ESR2: variants seen among roughly 807,000 people sequenced by gnomAD.
ESR2 encodes estrogen receptor beta.
A neutral mutation model predicts 49.6 loss-of-function variants in ESR2; 36 were observed. The observed-to-expected ratio is 0.73, with a 90% CI of 0.56 to 0.96. The LOEUF is 0.96. Among genes scored for constraint, ESR2 ranks in the 40% least tolerant of loss-of-function variants. ESR2 has a pLI of 0.00. For missense variants in ESR2, 714 were observed against 693.0 expected (o/e 1.03, Z -0.34); for synonymous variants, 320 against 266.1 (o/e 1.20, Z -1.97).
At chr14:64,226,868 T>TTTAA (rs1295328534), downstream of ESR2, 1 of 152,146 alleles carries the variant, frequency 6.6e-6, no homozygotes, top group African/African-American at 2.4e-5. Flanking sequence ...TTATTATATT[T>TTTAA]TTAATAGAGA....
chr14:64,264,373 G>C (rs2076280785), intron 4 of ESR2, among the ~76,000 whole-genome samples: 1 of 152,044 alleles, frequency 6.6e-6, no homozygotes, highest in South Asian at 2.1e-4. Context: ...AGAATTAAAG[G>C]CCTAAAATAC....
chr14:64,238,569 G>A (rs2075655431), intron 7 of ESR2, among the ~76,000 whole-genome samples: 1 of 152,022 alleles, frequency 6.6e-6, no homozygotes. Context: ...TATCTACAGA[G>A]TACTTGCTAA....
chr14:64,305,876 C>A (rs1056661258), intron 1 of ESR2, among the ~76,000 whole-genome samples: 13 of 151,862 alleles, frequency 8.6e-5, no homozygotes, highest in Non-Finnish European at 1.6e-4. Context: ...ATTGTAGTAC[C>A]GTGCTAACTC....
chr14:64,292,786 A>G (rs779967246), intron 1 of ESR2, among the ~76,000 whole-genome samples: 22 of 152,206 alleles, frequency 1.4e-4, no homozygotes, highest in Non-Finnish European at 2.9e-4. Context: ...TGTTAATTAT[A>G]TGGTTATGAG....
chr14:64,251,319 A>AC (rs1567744047), intron 6 of ESR2, among the ~76,000 whole-genome samples: 2 of 151,832 alleles, frequency 1.3e-5, no homozygotes, highest in African/African-American at 4.8e-5. Context: ...AAAAAAAAAA[A>AC]AAACAAAAAA....
In ESR2 at chr14:64,241,917, C is replaced by G. The variant is rs146272898; in HGVS notation, c.1226-6767G>C. ...TCTTGCCTTAATGCACTGGGTAGAA[C>G]TTACAGTAAAATGTTGAATAGAATT... is the stretch of plus-strand genomic sequence containing the variant. On this transcript the variant is annotated intron_variant, in intron 7 of 8. Coordinates refer to ENST00000341099, the MANE Select transcript of ESR2 (RefSeq NM_001437.3). Among the ~76,000 whole-genome samples, 55 of 152,306 alleles carry G rather than the reference C, an allele frequency of 3.6e-4. 1 individual carries two copies. Among genetic ancestry groups the G allele is most frequent in the African/African-American group, 1.2e-3 (48 of 41,556 alleles).
chr14:64,290,018 T>C (rs1413083895), intron 1 of ESR2, among the ~76,000 whole-genome samples: 5 of 152,176 alleles, frequency 3.3e-5, no homozygotes, highest in Admixed American at 3.3e-4. Context: ...TTTAAAAAGA[T>C]TTCTTAAGCA....
intron 1 of ESR2, among the ~76,000 whole-genome samples, chr14:64,287,911 T>C (rs923430508): frequency 6.6e-6 from 1 of 152,136 alleles, no homozygotes; most frequent in Non-Finnish European, 1.5e-5. Flanking sequence ...CAGGAAAAAA[T>C]TGTCTCTAAA....
intron 1 of ESR2, among the ~76,000 whole-genome samples, chr14:64,290,393 CTTAT>C (rs35006597): frequency 0.094 from 14,214 of 150,718 alleles, 956 homozygotes; most frequent in African/African-American, 0.19. Context: ...TAAATGTATT[CTTAT>C]TTATTTATTT....
At chr14:64,316,921 T>C (rs1481062112) in intron 1 of ESR2, among the ~76,000 whole-genome samples, 1 of 152,222 alleles carries the variant, frequency 6.6e-6, no homozygotes, top group Non-Finnish European at 1.5e-5. Context: ...CAAGGAATTA[T>C]ATACCATGAT....
chr14:64,297,413 C>T (rs544042931), upstream of ESR2: 3 of 152,226 alleles, frequency 2.0e-5, no homozygotes, highest in South Asian at 6.2e-4. Context: ...ATCTTCTCAC[C>T]CCACCCCTTC....
At chr14:64,228,175 G>C (rs2098723866), downstream of ESR2, 2 of 702,606 alleles carry the variant, frequency 2.8e-6, no homozygotes, top group Non-Finnish European at 4.1e-6. Flanking sequence ...GTGTTCAGGT[G>C]CCCTTTCCCA....
chr14:64,241,526 A>G (rs1367162738), intron 7 of ESR2, among the ~76,000 whole-genome samples: 2 of 152,242 alleles, frequency 1.3e-5, no homozygotes, highest in Admixed American at 6.5e-5. Context: ...GAATCTATAG[A>G]TTGAAAACAA....
At chr14:64,327,121 A>G (rs1199572242) in intron 1 of ESR2, among the ~76,000 whole-genome samples, 1 of 152,260 alleles carries the variant, frequency 6.6e-6, no homozygotes, top group Non-Finnish European at 1.5e-5. Context: ...CAATTGATCT[A>G]GAATGGGTTT....
chr14:64,235,801 C>T lies in ESR2; in HGVS notation c.1226-651G>A, dbSNP rs530457098. Among the ~76,000 whole-genome samples the T allele has an allele frequency of 2.0e-5, 3 of 152,262 alleles. No individual in the cohort carries two copies. In the South Asian group the frequency reaches 6.2e-4, roughly 32 times the overall value. On this transcript the variant is annotated intron_variant, in intron 7 of 8. Coordinates refer to ENST00000341099, the MANE Select transcript of ESR2 (RefSeq NM_001437.3). ...ATGCAGGAACACATCTGCTTAGGTC[C>T]CCACAGCCACGTCCTGGGTAGGCTG...
chr14:64,305,976 C>T (rs953185309), intron 1 of ESR2, among the ~76,000 whole-genome samples: 39 of 151,930 alleles, frequency 2.6e-4, no homozygotes, highest in African/African-American at 8.4e-4. Context: ...TTTGGGAGGC[C>T]GAGGCAGGCG....
At chr14:64,298,792 C>A (rs1266636955), upstream of ESR2, among the ~76,000 whole-genome samples, 1 of 152,142 alleles carries the variant, frequency 6.6e-6, no homozygotes, top group Non-Finnish European at 1.5e-5. Flanking sequence ...AACTTTTTGT[C>A]CTGTCCACTG....
At chr14:64,292,742 A>T (rs1368846684) in intron 1 of ESR2, among the ~76,000 whole-genome samples, 1 of 152,206 alleles carries the variant, frequency 6.6e-6, no homozygotes, top group Non-Finnish European at 1.5e-5. Context: ...TTTCCTTCTT[A>T]TTCTTAAAAG....
At chr14:64,272,941 G>T (rs779668258) in intron 3 of ESR2, among the ~76,000 whole-genome samples, 17 of 152,076 alleles carry the variant, frequency 1.1e-4, no homozygotes, top group Non-Finnish European at 1.6e-4. Flanking sequence ...CACTGAATCT[G>T]TAGATTGCTT....
Sources: allele counts gnomAD v4.1 joint callset (sites outside exome capture counted in the v4.1 genomes callset), GRCh38; gene constraint gnomAD v4.1.1; transcripts MANE v1.5; gene names NCBI Gene and HGNC (gene_info 2026-07-23, HGNC 2026-07-21).